Variants in RARB observed in about 807,000 individuals in gnomAD.
The protein encoded by RARB is HBV-activated protein.
RARB carries 17 observed loss-of-function variants against 51.9 expected under a neutral mutation model. The ratio of observed to expected loss-of-function variants is 0.33; its 90% CI spans 0.22 to 0.49. The LOEUF (loss-of-function observed/expected upper bound fraction) is 0.49. RARB is among the 20% of genes least tolerant of loss of function. The pLI is 0.99. For synonymous variants in RARB, 215 were observed against 195.4 expected, an observed-to-expected ratio of 1.10 and a Z score of -0.84; for missense variants, 369 against 550.8, an observed-to-expected ratio of 0.67 and a Z score of 3.30.
chr3:25,009,408 C>A (rs1384004223), intron 2 of RARB, among the ~76,000 whole-genome samples: 2 of 151,964 alleles, frequency 1.3e-5, no homozygotes, highest in African/African-American at 4.8e-5. Flanking sequence ...GCAATCATGC[C>A]CTTACATCTC....
At chr3:25,210,899 C>T (rs553407101) in intron 5 of RARB, among the ~76,000 whole-genome samples, 2 of 152,026 alleles carry the variant, frequency 1.3e-5, no homozygotes, top group Admixed American at 6.6e-5. Context: ...CATAAAAGTC[C>T]ACTCAATATT....
At chr3:24,900,928 A>T (rs1333006987) in intron 2 of RARB, among the ~76,000 whole-genome samples, 1 of 152,224 alleles carries the variant, frequency 6.6e-6, no homozygotes, top group East Asian at 1.9e-4. Flanking sequence ...TATGGGATGC[A>T]TACATACAAG....
chr3:25,181,022 A>G (rs321525), intron 5 of RARB, among the ~76,000 whole-genome samples: 34,644 of 152,032 alleles, frequency 0.23, 4,312 homozygotes, highest in African/African-American at 0.33. Flanking sequence ...AACTTTTCTA[A>G]GGTTGCTCAG....
chr3:25,303,598 T>C (rs775956461), intron 5 of RARB, among the ~76,000 whole-genome samples: 6 of 152,172 alleles, frequency 3.9e-5, no homozygotes, highest in Non-Finnish European at 8.8e-5. Context: ...ATTTGCCACA[T>C]GGTTGAATCT....
At chr3:25,572,835 G>C (rs1212208433) in intron 4 of RARB, among the ~76,000 whole-genome samples, 1 of 152,070 alleles carries the variant, frequency 6.6e-6, no homozygotes, top group East Asian at 1.9e-4. Context: ...TGGTATCTTA[G>C]CATAGCCAAG....
At chr3:25,133,301 C>T (rs1699981550) in intron 4 of RARB, among the ~76,000 whole-genome samples, 1 of 151,902 alleles carries the variant, frequency 6.6e-6, no homozygotes, top group South Asian at 2.1e-4. Context: ...GAGTAGCATT[C>T]TTTGTGACAT....
At chr3:25,576,529 A>G (rs538422331) in intron 4 of RARB, among the ~76,000 whole-genome samples, 1 of 152,284 alleles carries the variant, frequency 6.6e-6, no homozygotes, top group Admixed American at 6.5e-5. Context: ...CTGCAGATGG[A>G]TAGATGGTCC....
intron 5 of RARB, among the ~76,000 whole-genome samples, chr3:25,179,643 G>A (rs942195188): frequency 2.0e-5 from 3 of 152,136 alleles, no homozygotes; most frequent in African/African-American, 7.2e-5. Flanking sequence ...GGCTTAGGGA[G>A]GTCAAAGGCT....
At chr3:25,170,884 C>G (rs2125351362) in intron 4 of RARB, among the ~76,000 whole-genome samples, 1 of 152,296 alleles carries the variant, frequency 6.6e-6, no homozygotes, top group South Asian at 2.1e-4. Flanking sequence ...TACCAAGACC[C>G]TACCACTAAA....
intron 3 of RARB, among the ~76,000 whole-genome samples, chr3:25,528,802 G>A (rs1330810838): frequency 6.6e-6 from 1 of 151,866 alleles, no homozygotes; most frequent in Non-Finnish European, 1.5e-5. Context: ...AGTCTGATGT[G>A]TCCACTTTCA....
intron 3 of RARB, among the ~76,000 whole-genome samples, chr3:25,523,546 G>T (rs1351579357): frequency 6.6e-6 from 1 of 152,190 alleles, no homozygotes; most frequent in East Asian, 1.9e-4. Context: ...TGTTTCTAAG[G>T]GGAGTGCCCT....
intron 2 of RARB, among the ~76,000 whole-genome samples, chr3:25,052,043 C>T (rs1289802273): frequency 6.6e-6 from 1 of 152,144 alleles, no homozygotes; most frequent in African/African-American, 2.4e-5. Context: ...CTAATGGAGG[C>T]TCCATCTCGG....
chr3:25,098,636 C>G lies in RARB; in HGVS notation c.-327-33525C>G, dbSNP rs369916375. 2.8e-4 allele frequency among the ~76,000 whole-genome samples: 42 copies of G among 152,256 alleles called. 1 individual carries two copies. In the South Asian group the frequency reaches 8.5e-3, roughly 31 times the overall value. On this transcript the variant is annotated intron_variant, in intron 3 of 11. Coordinates refer to the RARB transcript ENST00000383772. ...GTGAATAAGGTTTTATTAGACACAG[C>G]TATGATCATTTATACATTGTCTATG... is the stretch of plus-strand genomic sequence containing the variant.
intron 3 of RARB, among the ~76,000 whole-genome samples, chr3:25,566,220 T>TTC (rs1700488323): frequency 6.6e-6 from 1 of 152,216 alleles, no homozygotes; most frequent in Non-Finnish European, 1.5e-5. Context: ...AAGCAGCTGC[T>TTC]GAAGCCACGT....
intron 2 of RARB, among the ~76,000 whole-genome samples, chr3:24,947,654 A>C (rs1365755924): frequency 3.3e-5 from 5 of 152,062 alleles, no homozygotes; most frequent in Admixed American, 6.5e-5. Context: ...TTCTCCATCC[A>C]CTCTGGTATG....
intron 1 of RARB, among the ~76,000 whole-genome samples, chr3:24,848,944 C>T (rs948301820): frequency 6.6e-6 from 1 of 152,298 alleles, no homozygotes; most frequent in South Asian, 2.1e-4. Flanking sequence ...TCACTTTGGA[C>T]AGCCTTGCAC....
intron 2 of RARB, among the ~76,000 whole-genome samples, chr3:24,907,157 G>A (rs1021639910): frequency 6.6e-6 from 1 of 152,114 alleles, no homozygotes; most frequent in Non-Finnish European, 1.5e-5. Flanking sequence ...CAGGAGAAAA[G>A]GGCCATGGGC....
chr3:24,918,827 G>A (rs1695159711), intron 2 of RARB, among the ~76,000 whole-genome samples: 1 of 152,180 alleles, frequency 6.6e-6, no homozygotes, highest in Admixed American at 6.5e-5. Flanking sequence ...GGATGCAGAG[G>A]TTGCAGTGAG....
In RARB at chr3:25,309,311, T is replaced by G. The variant is rs1559352441; in HGVS notation, c.178+134736T>G. 2.7e-5 allele frequency among the ~76,000 whole-genome samples: 4 copies of G among 150,002 alleles called. No homozygotes were observed. In the South Asian group the frequency reaches 6.3e-4, roughly 24 times the overall value. ...CATCATGCCTGGCTAATTTTTTGTT[T>G]TTTTTTTTTAGCAGAGACGGGGTTT... On this transcript the variant is annotated intron_variant, in intron 5 of 11. Coordinates refer to the RARB transcript ENST00000383772.
Sources: gnomAD v4.1 joint callset for allele counts (sites outside exome capture counted in the v4.1 genomes callset) on GRCh38, gnomAD v4.1.1 for gene constraint, MANE v1.5 for transcripts, NCBI Gene and HGNC (gene_info 2026-07-23, HGNC 2026-07-21) for gene names.